The following GRIA2 variants were observed in gnomAD, a reference collection of about 807,000 sequenced individuals.
GRIA2 encodes the protein glutamate receptor 2.
Under a neutral mutation model 97.3 loss-of-function variants are expected in GRIA2, and 14 were observed. The observed-to-expected ratio is 0.14, with a 90% CI of 0.10 to 0.23. The LOEUF is 0.23. Ranked by LOEUF, GRIA2 falls within the 10% of genes least tolerant of loss-of-function variation. The pLI, the probability that GRIA2 is intolerant of heterozygous loss-of-function variation, is 1.00. For missense variants in GRIA2, 558 were observed against 1,069.8 expected (o/e 0.52, Z 6.67); for synonymous variants, 412 against 387.8 (o/e 1.06, Z -0.73).
At chr4:157,312,191 A>C (rs536828304) in intron 3 of GRIA2, among the ~76,000 whole-genome samples, 2 of 152,208 alleles carry the variant, frequency 1.3e-5, no homozygotes, top group East Asian at 3.9e-4. Context: ...AGCCTCATAA[A>C]GAATATTGCC....
At chr4:157,313,304 G>A (rs749676731) in intron 4 of GRIA2, among the ~76,000 whole-genome samples, 1 of 152,056 alleles carries the variant, frequency 6.6e-6, no homozygotes, top group Non-Finnish European at 1.5e-5. Flanking sequence ...TATGCCTCCA[G>A]AAAGAGTATG....
chr4:157,285,547 C>G (rs1010799021), intron 2 of GRIA2, among the ~76,000 whole-genome samples: 4 of 148,282 alleles, frequency 2.7e-5, no homozygotes, highest in African/African-American at 1.0e-4. Flanking sequence ...TTTTAGCCTA[C>G]CTATAATATT....
chr4:157,311,439 T>C (rs1734076015), intron 3 of GRIA2, among the ~76,000 whole-genome samples: 1 of 152,064 alleles, frequency 6.6e-6, no homozygotes, highest in South Asian at 2.1e-4. Flanking sequence ...TCTGGTGTCA[T>C]AAGATGTTTT....
At position 157,257,686 on chromosome 4, in the gene GRIA2, C is replaced by A. The variant is rs1731340149; in HGVS notation, c.229+35879C>A. On this transcript the variant is annotated intron_variant, in intron 2 of 15. Coordinates refer to ENST00000264426, the MANE Select transcript of GRIA2 (RefSeq NM_001083619.3). ...TTATTAAAAGAATTTTTATGGCAAC[C>A]AACTAAATTTTCTACTAGAAATAAT... 2.0e-5 allele frequency among the ~76,000 whole-genome samples: 3 copies of A among 151,832 alleles called. No homozygotes were observed. In the South Asian group the frequency reaches 6.2e-4, roughly 32 times the overall value.
chr4:157,362,181 G>A (rs1048048384), intron 14 of GRIA2, among the ~76,000 whole-genome samples: 2 of 152,044 alleles, frequency 1.3e-5, no homozygotes, highest in African/African-American at 2.4e-5. Context: ...GATCAAAAAT[G>A]GTACACTGCA....
At chr4:157,297,764 C>T (rs1733415988) in intron 2 of GRIA2, among the ~76,000 whole-genome samples, 1 of 149,304 alleles carries the variant, frequency 6.7e-6, no homozygotes, top group South Asian at 2.1e-4. Flanking sequence ...AAAACAGTGG[C>T]ATTTTATGTA....
At chr4:157,309,615 G>C (rs904146250) in intron 3 of GRIA2, among the ~76,000 whole-genome samples, 16 of 152,164 alleles carry the variant, frequency 1.1e-4, no homozygotes, top group African/African-American at 3.4e-4. Flanking sequence ...CCTGGCGCAA[G>C]TTAGGCATTT....
rs971774605 is a variant in GRIA2 at position 157,309,240 on chromosome 4, A to G, written c.470-3439A>G. On this transcript the variant is annotated intron_variant, in intron 3 of 15. Transcript: ENST00000264426. Reference sequence around the variant, plus strand: ...GTTTTGTTAGGTTCCATAGGTTACAAAATATTAATCTTGAGAGTTTTAATA... The same window carrying G: ...GTTTTGTTAGGTTCCATAGGTTACAGAATATTAATCTTGAGAGTTTTAATA... Among the ~76,000 whole-genome samples the G allele has an allele frequency of 6.6e-5, 10 of 152,290 alleles. No homozygotes were observed. In the East Asian group the frequency reaches 1.9e-3, roughly 29 times the overall value.
chr4:157,363,732 A>C lies in GRIA2; in HGVS notation c.*301A>C, dbSNP rs935754825. ...TCTTAAATATGTGGAGTTCATCTTG[A>C]ATTGTAAGGAATGATTAATTAAAAC... On this transcript the variant is annotated 3_prime_UTR_variant, in exon 16 of 16. Coordinates refer to ENST00000264426, the MANE Select transcript of GRIA2 (RefSeq NM_001083619.3). The C allele has an allele frequency of 8.6e-5, 36 of 418,830 alleles. 1 individual carries two copies. Among genetic ancestry groups the C allele is most frequent in the Middle Eastern group, 3.2e-4 (1 of 3,172 alleles). The allele number at this position is 418,830 out of a possible 1,614,324, so 25.9% of individuals were successfully genotyped here.
chr4:157,239,689 A>G (rs915582262), intron 2 of GRIA2, among the ~76,000 whole-genome samples: 1 of 152,094 alleles, frequency 6.6e-6, no homozygotes, highest in South Asian at 2.1e-4. Context: ...AAATACATGT[A>G]TATATACATG....
chr4:157,284,780 A>T, intron 2 of GRIA2, among the ~76,000 whole-genome samples: 1 of 151,708 alleles, frequency 6.6e-6, no homozygotes, highest in East Asian at 1.9e-4. Context: ...AGCACTTAAT[A>T]TTTATAGTTC....
At chr4:157,293,917 A>G (rs1489338676) in intron 2 of GRIA2, among the ~76,000 whole-genome samples, 1 of 152,140 alleles carries the variant, frequency 6.6e-6, no homozygotes, top group East Asian at 1.9e-4. Context: ...ATTCCTTGGC[A>G]ATTTAGAGAT....
chr4:157,227,128 TAAATTAGTAA>T (rs1729784430), intron 2 of GRIA2, among the ~76,000 whole-genome samples: 3 of 152,180 alleles, frequency 2.0e-5, no homozygotes, highest in African/African-American at 7.2e-5. Flanking sequence ...TATAGAGGCT[TAAATTAGTAA>T]AAATTTATTC....
intron 14 of GRIA2, chr4:157,362,492 A>G: frequency 2.0e-6 from 1 of 504,738 alleles, no homozygotes; most frequent in Non-Finnish European, 3.9e-6. Context: ...ACGGTAATGG[A>G]ATATAACTAT....
At chr4:157,224,370 G>C (rs542112393) in intron 2 of GRIA2, among the ~76,000 whole-genome samples, 10 of 152,248 alleles carry the variant, frequency 6.6e-5, no homozygotes, top group Non-Finnish European at 1.5e-4. Flanking sequence ...AACTAGGGGG[G>C]TACTGTGACA....
chr4:157,363,518 A>T lies in GRIA2; in HGVS notation c.*87A>T. 2 of 1,238,600 alleles carry T rather than the reference A, an allele frequency of 1.6e-6. No homozygotes were observed. The highest frequency in any genetic ancestry group is 2.0e-6 in the Non-Finnish European group (2 of 990,162). The allele number at this position is 1,238,600 out of a possible 1,614,324, so 76.7% of individuals were successfully genotyped here. On this transcript the variant is annotated 3_prime_UTR_variant, in exon 16 of 16. Coordinates refer to ENST00000264426, the MANE Select transcript of GRIA2 (RefSeq NM_001083619.3). ...GAGAAAATGGACGTGTTATGACTCC[A>T]GAATTTCCCAAAGCAGTGCATGCTG... is the stretch of plus-strand genomic sequence containing the variant.
chr4:157,223,462 C>T (rs969898534), intron 2 of GRIA2, among the ~76,000 whole-genome samples: 2 of 152,100 alleles, frequency 1.3e-5, no homozygotes, highest in African/African-American at 4.8e-5. Context: ...AATAGAATAT[C>T]TCAGAAAATT....
intron 12 of GRIA2, among the ~76,000 whole-genome samples, chr4:157,344,226 T>A (rs1486177725): frequency 6.6e-6 from 1 of 152,254 alleles, no homozygotes; most frequent in Middle Eastern, 3.4e-3. Context: ...AATATGTCTA[T>A]TGGCTGTAGT....
At chr4:157,238,103 C>T (rs193133598) in intron 2 of GRIA2, among the ~76,000 whole-genome samples, 4 of 152,152 alleles carry the variant, frequency 2.6e-5, no homozygotes, top group Non-Finnish European at 4.4e-5. Flanking sequence ...GTTTCATCCC[C>T]GGTTTGTCTT....
Sources: allele counts gnomAD v4.1 joint callset (sites outside exome capture counted in the v4.1 genomes callset), GRCh38; gene constraint gnomAD v4.1.1; transcripts MANE v1.5; gene names NCBI Gene and HGNC (gene_info 2026-07-23, HGNC 2026-07-21).